SHOC1: variants seen among roughly 807,000 people sequenced by gnomAD.
SHOC1 encodes the protein protein shortage in chiasmata 1 ortholog.
Under a neutral mutation model 179.2 loss-of-function variants are expected in SHOC1, and 136 were observed. The ratio of observed to expected loss-of-function variants is 0.76; its 90% CI spans 0.66 to 0.87. The LOEUF (loss-of-function observed/expected upper bound fraction) is 0.87, where lower values mean the gene tolerates loss of function less well. Ranked by LOEUF, SHOC1 falls within the 40% of genes least tolerant of loss-of-function variation. SHOC1 has a pLI of 0.00. For missense variants in SHOC1, 1,538 were observed against 1,700.8 expected, an observed-to-expected ratio of 0.90 and a Z score of 1.68; for synonymous variants, 489 against 586.6, an observed-to-expected ratio of 0.83 and a Z score of 2.41.
At chr9:111,765,077 G>T (rs1011638270) in intron 5 of SHOC1, among the ~76,000 whole-genome samples, 1 of 151,634 alleles carries the variant, frequency 6.6e-6, no homozygotes, top group Non-Finnish European at 1.5e-5. Context: ...GGAGGCAGAG[G>T]TTGCTGTGAG....
rs1357140535 is a variant in SHOC1 at position 111,722,509 on chromosome 9, G to A, written c.2031C>T (p.Thr677=). The change falls in exon 15 of 28, where the codon ACC becomes ACT. Residue 677 remains threonine (T), a synonymous_variant. Transcript: ENST00000682961. ...PILKNLVSLC[T]LPTANWKFAT... ...CAAATTTCCAATTAGCAGTAGGGAG[G>A]GTACACAAGGATACAAGGTTTTTTA... 1.2e-6 allele frequency: 2 copies of A among 1,612,246 alleles called. No individual in the cohort carries two copies. Among genetic ancestry groups the A allele is most frequent in the Non-Finnish European group, 1.7e-6 (2 of 1,179,584 alleles).
intron 3 of SHOC1, among the ~76,000 whole-genome samples, chr9:111,785,107 T>A (rs1286895652): frequency 6.6e-6 from 1 of 152,206 alleles, no homozygotes; most frequent in Non-Finnish European, 1.5e-5. Context: ...ACACATCAAG[T>A]TCGTTCTTGA....
At chr9:111,714,736 T>A in intron 16 of SHOC1, 113 bp from the exon 17 acceptor site, 1 of 951,742 alleles carries the variant, frequency 1.1e-6, no homozygotes, top group Non-Finnish European at 1.6e-6. Context: ...AAATTTCCTT[T>A]AATTGTTTTC....
At position 111,727,699 on chromosome 9, in the gene SHOC1, T is replaced by G. The variant is rs766491320; in HGVS notation, c.1768A>C (p.Met590Leu). The G allele has an allele frequency of 1.2e-6, 2 of 1,611,340 alleles. No individual in the cohort carries two copies. Among genetic ancestry groups the G allele is most frequent in the Non-Finnish European group, 1.7e-6 (2 of 1,179,188 alleles). The change falls in exon 13 of 28, where the codon ATG (methionine) becomes CTG (leucine). Residue 590 changes from methionine to leucine, a missense_variant. Met to Leu is a conservative substitution (Grantham distance 15). Coordinates refer to ENST00000682961, the MANE Select transcript of SHOC1 (RefSeq NM_001378211.1). Reference protein sequence around the residue: ...NDLDLLSDFIMLRNKYKTCTS... With the variant: ...NDLDLLSDFILLRNKYKTCTS... Reference sequence around the variant, plus strand: ...CAAGTCTTATATTTATTTCGCAGCATAATAAAGTCGCTCAAAAGGTCCAAA... The same window carrying G: ...CAAGTCTTATATTTATTTCGCAGCAGAATAAAGTCGCTCAAAAGGTCCAAA...
intron 26 of SHOC1, 98 bp from the exon 27 acceptor site, chr9:111,692,609 T>G (rs1274150094): frequency 1.3e-6 from 1 of 753,070 alleles, no homozygotes; most frequent in Non-Finnish European, 2.1e-6. Flanking sequence ...ATAGGTAGTC[T>G]ATTCATAGAT....
intron 9 of SHOC1, among the ~76,000 whole-genome samples, chr9:111,747,872 A>G (rs1834366004): frequency 6.6e-6 from 1 of 152,202 alleles, no homozygotes; most frequent in African/African-American, 2.4e-5. Flanking sequence ...GGCGTGAACC[A>G]CCGCACTAGG....
rs376906569 is a variant in SHOC1 at position 111,758,053 on chromosome 9, C to G, written c.708+31G>C. On this transcript the variant is annotated intron_variant, in intron 7 of 27. Coordinates refer to ENST00000682961, the MANE Select transcript of SHOC1 (RefSeq NM_001378211.1). ...ACAAAAATGTGCCTCACTACTTTTA[C>G]TAAAATATTATTGAAAGCCAGTATT... is the stretch of plus-strand genomic sequence containing the variant. 5.9e-6 allele frequency: 7 copies of G among 1,180,506 alleles called. No homozygotes were observed. The East Asian group carries it at 1.7e-4, about 29-fold the overall frequency. 73.1% of individuals were successfully genotyped at this position (1,180,506 alleles called of 1,614,324 possible). A position where few individuals can be genotyped will look rare whatever the true frequency, so the allele number is the denominator to read the frequency against.
At chr9:111,715,429 T>C (rs1832738433) in intron 16 of SHOC1, among the ~76,000 whole-genome samples, 1 of 152,232 alleles carries the variant, frequency 6.6e-6, no homozygotes, top group African/African-American at 2.4e-5. Context: ...ATTGCTAGAC[T>C]GATGGGCAAC....
intron 12 of SHOC1, among the ~76,000 whole-genome samples, chr9:111,730,749 A>G (rs747440262): frequency 1.3e-5 from 2 of 152,214 alleles, no homozygotes; most frequent in Non-Finnish European, 2.9e-5. Context: ...TTCAACAGTC[A>G]ACAGCTGCAT....
rs887701917 is a variant in SHOC1 at position 111,694,293 on chromosome 9, T to C, written c.3253A>G (p.Thr1085Ala). 5 of 1,611,796 alleles carry C rather than the reference T, an allele frequency of 3.1e-6. No individual in the cohort carries two copies. Among genetic ancestry groups the C allele is most frequent in the Non-Finnish European group, 4.2e-6 (5 of 1,178,368 alleles). Residue 1085 changes from threonine to alanine, a missense_variant, in exon 25 of 28, where the codon ACC becomes GCC. Thr to Ala is a moderately conservative substitution (Grantham distance 58, BLOSUM62 0). Coordinates refer to ENST00000682961, the MANE Select transcript of SHOC1 (RefSeq NM_001378211.1). ...IRQIADHSLMTSKRDPHEWLD... is the reference protein window; with the variant it reads ...IRQIADHSLMASKRDPHEWLD... ...CATTCATGAGGATCTCTCTTTGAGGTCATTAAACTGTGGTCAGCAATTTGT... is the reference window on the plus strand; with the variant it reads ...CATTCATGAGGATCTCTCTTTGAGGCCATTAAACTGTGGTCAGCAATTTGT...
rs1290233465 is a variant in SHOC1, at chr9:111,738,204, T to C, written c.1417+76A>G. On this transcript the variant is annotated intron_variant, in intron 12 of 27. Coordinates refer to ENST00000682961, the MANE Select transcript of SHOC1 (RefSeq NM_001378211.1). Reference sequence around the variant, plus strand: ...GAACCTAGTGATTTTCCCAATTACCTAGAGGAAATCCAGAATCTAACATTT... The same window carrying C: ...GAACCTAGTGATTTTCCCAATTACCCAGAGGAAATCCAGAATCTAACATTT... The C allele has an allele frequency of 2.2e-6, 3 of 1,345,560 alleles. No individual in the cohort carries two copies. In the South Asian group the frequency reaches 4.0e-5, roughly 18 times the overall value. The allele number at this position is 1,345,560 out of a possible 1,614,324, so 83.4% of individuals were successfully genotyped here.
At chr9:111,737,885 A>C in intron 12 of SHOC1, 1 of 214,442 alleles carries the variant, frequency 4.7e-6, no homozygotes, top group Non-Finnish European at 9.1e-6. Context: ...AAAGAGTGAT[A>C]TTATTGAATG....
chr9:111,724,511 T>C (rs556432380), intron 13 of SHOC1, among the ~76,000 whole-genome samples: 2 of 152,080 alleles, frequency 1.3e-5, no homozygotes, highest in Admixed American at 1.3e-4. Context: ...GGCTAATTTA[T>C]TTTTTAAATT....
At chr9:111,715,349 A>C (rs1273550544) in intron 16 of SHOC1, among the ~76,000 whole-genome samples, 1 of 152,200 alleles carries the variant, frequency 6.6e-6, no homozygotes, top group African/African-American at 2.4e-5. Flanking sequence ...AATGAAATAA[A>C]TTTAAAAAAT....
chr9:111,794,343 G>A (rs1836552615), intron 1 of SHOC1, among the ~76,000 whole-genome samples: 1 of 151,756 alleles, frequency 6.6e-6, no homozygotes, highest in Non-Finnish European at 1.5e-5. Context: ...CAGCACTTCG[G>A]GAGGCCGAGG....
chr9:111,746,484 A>T, intron 9 of SHOC1, 142 bp from the exon 10 acceptor site: 1 of 511,856 alleles, frequency 2.0e-6, no homozygotes, highest in Non-Finnish European at 3.5e-6. Flanking sequence ...AGACCTGGGC[A>T]ACATGGCAAG....
intron 12 of SHOC1, among the ~76,000 whole-genome samples, chr9:111,736,501 T>G (rs895315556): frequency 1.3e-5 from 2 of 152,196 alleles, no homozygotes; most frequent in African/African-American, 4.8e-5. Context: ...CTGGGATAGC[T>G]GGCTAGCCAT....
At position 111,702,203 on chromosome 9, in the gene SHOC1, C is replaced by T; in HGVS notation, c.2991G>A (p.Glu997=). 1 of 1,472,148 alleles carries T rather than the reference C, an allele frequency of 6.8e-7. No homozygotes were observed. Among genetic ancestry groups the T allele is most frequent in the South Asian group, 1.2e-5 (1 of 86,196 alleles). The allele number at this position is 1,472,148 out of a possible 1,614,324, so 91.2% of individuals were successfully genotyped here. Residue 997 remains glutamate, a synonymous_variant, in exon 23 of 28, where the codon GAG becomes GAA. Transcript: ENST00000682961. ...ILQDLEELNY[E]KASDNIIMRL... is the part of the protein sequence containing the mutation. ...TCATAATGATATTGTCTGATGCCTT[C>T]TCATAATTCAATTCTTCTAGATCCT...
At position 111,758,158 on chromosome 9, in the gene SHOC1, C is replaced by T. The variant is rs767407862; in HGVS notation, c.634G>A (p.Val212Met). The part of the protein sequence containing the change: ...FSLQETLEAF[V>M]KEDFCMDKVN... ...TTATCCATACAAAAATCTTCTTTCA[C>T]AAAAGCTTCCAAAGTTTCTTGAAGA... The change falls in exon 7 of 28, where the codon GTG becomes ATG. Residue 212 changes from valine (V) to methionine (M), a missense_variant. Coordinates refer to ENST00000682961, the MANE Select transcript of SHOC1 (RefSeq NM_001378211.1). The T allele has an allele frequency of 3.2e-6, 5 of 1,583,490 alleles. No individual in the cohort carries two copies. The highest frequency in any genetic ancestry group is 4.3e-6 in the Non-Finnish European group (5 of 1,165,016).
Sources: allele counts gnomAD v4.1 joint callset (sites outside exome capture counted in the v4.1 genomes callset), GRCh38; gene constraint gnomAD v4.1.1; transcripts MANE v1.5; gene names NCBI Gene and HGNC (gene_info 2026-07-23, HGNC 2026-07-21).